Variants in HCN1 observed in about 807,000 individuals in gnomAD.
HCN1 encodes hyperpolarization activated cyclic nucleotide gated potassium channel 1.
HCN1 carries 13 observed loss-of-function variants against 78.9 expected under a neutral mutation model. The ratio of observed to expected loss-of-function variants is 0.16; its 90% CI spans 0.11 to 0.26. HCN1 has a LOEUF of 0.26. HCN1 is among the 10% of genes least tolerant of loss of function. HCN1 has a pLI of 1.00. For synonymous variants in HCN1, 552 were observed against 455.5 expected (o/e 1.21, Z -2.70); for missense variants, 810 against 1,154.3 (o/e 0.70, Z 4.32).
At chr5:45,272,873 T>C (rs1744985984) in intron 6 of HCN1, among the ~76,000 whole-genome samples, 1 of 152,072 alleles carries the variant, frequency 6.6e-6, no homozygotes, top group Non-Finnish European at 1.5e-5. Flanking sequence ...AAAATTGGAC[T>C]CCCAAAGAAC....
intron 2 of HCN1, among the ~76,000 whole-genome samples, chr5:45,572,948 A>AT (rs978666004): frequency 3.3e-5 from 5 of 152,088 alleles, no homozygotes; most frequent in Middle Eastern, 3.4e-3. Context: ...GGAACATTTC[A>AT]TTTTTTTTAA....
intron 2 of HCN1, among the ~76,000 whole-genome samples, chr5:45,639,840 CACTCTAAAATGT>C (rs1323675743): frequency 1.3e-4 from 20 of 152,272 alleles, no homozygotes; most frequent in African/African-American, 4.8e-4. Context: ...CATTCTGTAG[CACTCTAAAATGT>C]AAATCCCCTG....
intron 2 of HCN1, among the ~76,000 whole-genome samples, chr5:45,582,337 A>T (rs376173895): frequency 1.3e-5 from 2 of 152,138 alleles, no homozygotes; most frequent in Non-Finnish European, 2.9e-5. Flanking sequence ...TTGTTGGTGT[A>T]TAAGAATGCT....
chr5:45,677,417 G>A (rs916438109), intron 1 of HCN1, among the ~76,000 whole-genome samples: 9 of 151,750 alleles, frequency 5.9e-5, no homozygotes, highest in South Asian at 2.1e-4. Context: ...AGCCTTGGGG[G>A]AAATTTGAGA....
chr5:45,462,291 T>G (rs1741178279), intron 2 of HCN1, among the ~76,000 whole-genome samples: 1 of 152,064 alleles, frequency 6.6e-6, no homozygotes, highest in African/African-American at 2.4e-5. Flanking sequence ...AAGTTTTTAT[T>G]TATTGTTCTT....
intron 2 of HCN1, chr5:45,644,697 T>G (rs1745511196): frequency 1.3e-5 from 2 of 155,248 alleles, no homozygotes; most frequent in African/African-American, 2.4e-5. Context: ...AGCCTTTATA[T>G]ATACAATTTG....
At chr5:45,267,805 A>G (rs557589436) in intron 6 of HCN1, among the ~76,000 whole-genome samples, 4 of 152,138 alleles carry the variant, frequency 2.6e-5, no homozygotes. Context: ...CATGGTTGAG[A>G]CTTTTGGTTT....
chr5:45,298,712 T>G (rs1344466343), intron 6 of HCN1, among the ~76,000 whole-genome samples: 2 of 152,044 alleles, frequency 1.3e-5, no homozygotes, highest in African/African-American at 4.8e-5. Flanking sequence ...AAATTATTTA[T>G]GTCATACGTG....
chr5:45,512,211 A>G (rs144797107), intron 2 of HCN1, among the ~76,000 whole-genome samples: 1 of 152,088 alleles, frequency 6.6e-6, no homozygotes, highest in Non-Finnish European at 1.5e-5. Flanking sequence ...TTCATTTTAC[A>G]TATTCCACTA....
intron 1 of HCN1, among the ~76,000 whole-genome samples, chr5:45,664,978 T>C (rs1746006432): frequency 6.6e-6 from 1 of 151,724 alleles, no homozygotes; most frequent in African/African-American, 2.4e-5. Context: ...TAAATCATGC[T>C]GCTATAAAGA....
rs149341828 is a variant in HCN1, at chr5:45,674,319, A to G, written c.425+21350T>C. ...AAGTCTATATTTTAAGTGCCACAGA[A>G]CTCTCTGAGAAGGCAGCTATCAAAA... On this transcript the variant is annotated intron_variant, in intron 1 of 7. Transcript: ENST00000303230. 5.5e-4 allele frequency among the ~76,000 whole-genome samples: 84 copies of G among 151,594 alleles called. No homozygotes were observed. In the East Asian group the frequency reaches 0.011, roughly 20 times the overall value.
chr5:45,687,744 A>G (rs925837830), intron 1 of HCN1, among the ~76,000 whole-genome samples: 5 of 152,138 alleles, frequency 3.3e-5, no homozygotes, highest in African/African-American at 1.2e-4. Flanking sequence ...TTTCAGTTCC[A>G]TATTAACCAA....
At chr5:45,504,953 T>C (rs1267607640) in intron 2 of HCN1, among the ~76,000 whole-genome samples, 1 of 152,168 alleles carries the variant, frequency 6.6e-6, no homozygotes, top group African/African-American at 2.4e-5. Flanking sequence ...GGTTGTTTGT[T>C]TTTTTCTTGT....
chr5:45,558,736 T>C (rs1240122389), intron 2 of HCN1: 2 of 151,996 alleles, frequency 1.3e-5, no homozygotes, highest in African/African-American at 4.8e-5. Context: ...AATTTAAAAA[T>C]AGGCCTGGAT....
chr5:45,471,429 C>G (rs946106906), intron 2 of HCN1, among the ~76,000 whole-genome samples: 1 of 151,878 alleles, frequency 6.6e-6, no homozygotes, highest in African/African-American at 2.4e-5. Context: ...TAGCATATCT[C>G]CGAATGTGAT....
At position 45,502,878 on chromosome 5, in the gene HCN1, G is replaced by A. The variant is rs372862173; in HGVS notation, c.850-40871C>T. Among the ~76,000 whole-genome samples, 35 of 152,104 alleles carry A rather than the reference G, an allele frequency of 2.3e-4. No homozygotes were observed. In the East Asian group the frequency reaches 4.4e-3, roughly 19 times the overall value. ...AACGTCCTGCATTGAGGAAAACTTC[G>A]CATTTTTAAAGTAGAAATTGTCAAA... On this transcript the variant is annotated intron_variant, in intron 2 of 7. Coordinates refer to ENST00000303230, the MANE Select transcript of HCN1 (RefSeq NM_021072.4).
intron 3 of HCN1, among the ~76,000 whole-genome samples, chr5:45,423,619 T>C (rs1322280709): frequency 6.6e-6 from 1 of 152,226 alleles, no homozygotes; most frequent in East Asian, 1.9e-4. Flanking sequence ...TCTTCTTCTT[T>C]GAAACTATTT....
intron 2 of HCN1, among the ~76,000 whole-genome samples, chr5:45,471,484 C>T (rs887688708): frequency 2.6e-5 from 4 of 151,856 alleles, no homozygotes; most frequent in African/African-American, 9.7e-5. Context: ...CCTTGTCTTT[C>T]AACTCTTAAA....
chr5:45,520,211 T>C (rs1379661425), intron 2 of HCN1, among the ~76,000 whole-genome samples: 2 of 152,036 alleles, frequency 1.3e-5, no homozygotes, highest in African/African-American at 4.8e-5. Context: ...TATTTGGGCA[T>C]TACTGCATTG....
Sources: allele counts gnomAD v4.1 joint callset (sites outside exome capture counted in the v4.1 genomes callset), GRCh38; gene constraint gnomAD v4.1.1; transcripts MANE v1.5; gene names NCBI Gene and HGNC (gene_info 2026-07-23, HGNC 2026-07-21).